The following CYP4F22 variants were observed in gnomAD, a reference collection of about 807,000 sequenced individuals.
CYP4F22 encodes cytochrome P450 family 4 subfamily F member 22, also known as ultra-long-chain fatty acid omega-hydroxylase.
In CYP4F22, 37 loss-of-function variants were observed where a neutral mutation model predicts 60.4. That is an observed-to-expected ratio of 0.61 (90% CI 0.47 to 0.81). CYP4F22 has a LOEUF of 0.81. Ranked by LOEUF, CYP4F22 falls within the 30% of genes least tolerant of loss-of-function variation. The pLI, the probability that CYP4F22 is intolerant of heterozygous loss-of-function variation, is 0.00. For synonymous variants in CYP4F22, 258 were observed against 280.5 expected, an observed-to-expected ratio of 0.92 and a Z score of 0.80; for missense variants, 655 against 715.0, an observed-to-expected ratio of 0.92 and a Z score of 0.96.
At chr19:15,514,466 T>A (rs990567499) in intron 1 of CYP4F22, among the ~76,000 whole-genome samples, 28 of 152,012 alleles carry the variant, frequency 1.8e-4, no homozygotes, top group Non-Finnish European at 4.0e-4. Flanking sequence ...GGCGGGTGGA[T>A]CACGAGGTCA....
chr19:15,521,114 G>C (rs1971220097), intron 1 of CYP4F22, among the ~76,000 whole-genome samples: 1 of 152,060 alleles, frequency 6.6e-6, no homozygotes, highest in African/African-American at 2.4e-5. Flanking sequence ...GTTCAACCCT[G>C]GTGTAGCATG....
intron 7 of CYP4F22, among the ~76,000 whole-genome samples, chr19:15,540,162 G>T (rs747175864): frequency 3.1e-4 from 47 of 152,186 alleles, no homozygotes; most frequent in Non-Finnish European, 6.8e-4. Context: ...GACTGGGTGT[G>T]GTGGCTCAGA....
chr19:15,513,269 G>A (rs1036744752), intron 1 of CYP4F22, among the ~76,000 whole-genome samples: 9 of 151,338 alleles, frequency 5.9e-5, no homozygotes, highest in African/African-American at 1.9e-4. Flanking sequence ...TCTGCCTCCC[G>A]AGTTCAAGCG....
At chr19:15,516,718 G>C in intron 1 of CYP4F22, 1 of 556,120 alleles carries the variant, frequency 1.8e-6, no homozygotes. Flanking sequence ...CATTCTTGTT[G>C]TTTTTGGGGA....
chr19:15,518,301 C>T (rs1214466008), intron 1 of CYP4F22, among the ~76,000 whole-genome samples: 1 of 151,922 alleles, frequency 6.6e-6, no homozygotes, highest in Non-Finnish European at 1.5e-5. Context: ...TGCACCACTG[C>T]ACTTCTGCCT....
intron 8 of CYP4F22, among the ~76,000 whole-genome samples, chr19:15,541,812 G>A (rs868747534): frequency 6.6e-6 from 1 of 150,446 alleles, no homozygotes; most frequent in Non-Finnish European, 1.5e-5. Flanking sequence ...CCTGGGAGGC[G>A]GAGGTTGCGG....
Position 15,525,328 on chromosome 19 carries a change from G to A in CYP4F22, c.-1-8G>A. 6.2e-7 allele frequency: 1 copy of A among 1,612,510 alleles called. No individual in the cohort carries two copies. The highest frequency in any genetic ancestry group is 8.5e-7 in the Non-Finnish European group (1 of 1,179,788). ...TGGCACCGACCCCCTGACCCTGTGTGTCCCCAGGATGCTGCCCATCACAGA... is the reference window on the plus strand; with the variant it reads ...TGGCACCGACCCCCTGACCCTGTGTATCCCCAGGATGCTGCCCATCACAGA... On this transcript the variant is annotated splice_polypyrimidine_tract_variant and splice_region_variant and intron_variant, in intron 2 of 13. Transcript: ENST00000269703.
intron 1 of CYP4F22, among the ~76,000 whole-genome samples, chr19:15,518,495 A>AT (rs1427183451): frequency 1.3e-5 from 2 of 148,642 alleles, no homozygotes; most frequent in African/African-American, 5.1e-5. Flanking sequence ...AAAAAAAAAA[A>AT]AAAATTACCT....
intron 3 of CYP4F22, among the ~76,000 whole-genome samples, 159 bp from the exon 4 acceptor site, chr19:15,529,550 G>A (rs1971319245): frequency 1.3e-5 from 2 of 151,936 alleles, no homozygotes; most frequent in African/African-American, 4.8e-5. Flanking sequence ...CATTTTTTCA[G>A]ATGAGGAAAT....
At chr19:15,538,357 T>TA (rs916186050) in intron 7 of CYP4F22, among the ~76,000 whole-genome samples, 3 of 152,212 alleles carry the variant, frequency 2.0e-5, no homozygotes, top group South Asian at 2.1e-4. Context: ...TCCTTGTTTG[T>TA]AAAAAAAGGA....
chr19:15,527,566 A>G (rs1971296936), intron 3 of CYP4F22, among the ~76,000 whole-genome samples: 1 of 152,102 alleles, frequency 6.6e-6, no homozygotes, highest in Non-Finnish European at 1.5e-5. Flanking sequence ...TGCCTGGAGG[A>G]GTTGGCCAGG....
intron 3 of CYP4F22, among the ~76,000 whole-genome samples, chr19:15,527,008 C>T (rs563597641): frequency 6.6e-6 from 1 of 152,256 alleles, no homozygotes; most frequent in East Asian, 1.9e-4. Context: ...CGTGCTCAGC[C>T]TCCCTGTTTT....
chr19:15,529,881 G>A, intron 4 of CYP4F22, 28 bp downstream of exon 4: 1 of 1,613,484 alleles, frequency 6.2e-7, no homozygotes, highest in Non-Finnish European at 8.5e-7. Flanking sequence ...CCGATCTATG[G>A]TTGAGTCCTC....
chr19:15,510,645 G>A (rs971201674), intron 1 of CYP4F22, among the ~76,000 whole-genome samples: 1 of 152,106 alleles, frequency 6.6e-6, no homozygotes. Context: ...TTCTTTTTCT[G>A]CCAGGATCCC....
At position 15,551,245 on chromosome 19, in the gene CYP4F22, C is replaced by A. The variant is rs755157830; in HGVS notation, c.1419-49C>A. 1.9e-6 allele frequency: 3 copies of A among 1,587,212 alleles called. No homozygotes were observed. In the South Asian group the frequency reaches 3.4e-5, roughly 18 times the overall value. ...AAGGAGGCATGTGACCCCCGGGGACCAGTGCTCACACAGAAGCTGGGCCTG... is the reference window on the plus strand; with the variant it reads ...AAGGAGGCATGTGACCCCCGGGGACAAGTGCTCACACAGAAGCTGGGCCTG... On this transcript the variant is annotated intron_variant, in intron 13 of 13. Transcript: ENST00000269703.
At chr19:15,533,132 A>T (rs764184706) in intron 4 of CYP4F22, among the ~76,000 whole-genome samples, 3 of 152,176 alleles carry the variant, frequency 2.0e-5, no homozygotes, top group Non-Finnish European at 2.9e-5. Flanking sequence ...CCATCATCTT[A>T]TGGGCCTTTG....
intron 4 of CYP4F22, among the ~76,000 whole-genome samples, chr19:15,531,907 C>A (rs796246317): frequency 3.3e-5 from 5 of 152,216 alleles, no homozygotes; most frequent in African/African-American, 1.2e-4. Context: ...GAGTTCAAGA[C>A]CAGCCTGGGC....
intron 1 of CYP4F22, among the ~76,000 whole-genome samples, chr19:15,518,674 C>CAAAAAAAAAAAAAAAAAAAAAAAACAAAA (rs1568354233): frequency 1.1e-5 from 1 of 89,720 alleles, no homozygotes; most frequent in East Asian, 3.1e-4. Flanking sequence ...AAAAAAGAAA[C>CAAAAAAAAAAAAAAAAAAAAAAAACAAAA]AAAACAAAAC....
At chr19:15,538,473 A>G (rs539279690) in intron 7 of CYP4F22, among the ~76,000 whole-genome samples, 1 of 152,358 alleles carries the variant, frequency 6.6e-6, no homozygotes, top group East Asian at 1.9e-4. Context: ...AATGAATCAA[A>G]TAACCAATGC....
Sources: gnomAD v4.1 joint callset for allele counts (sites outside exome capture counted in the v4.1 genomes callset) on GRCh38, gnomAD v4.1.1 for gene constraint, MANE v1.5 for transcripts, NCBI Gene and HGNC (gene_info 2026-07-23, HGNC 2026-07-21) for gene names.